PSEN2: variants seen among roughly 807,000 people sequenced by gnomAD.
The protein encoded by PSEN2 is presenilin 2.
PSEN2 carries 32 observed loss-of-function variants against 49.1 expected under a neutral mutation model. The observed-to-expected ratio is 0.65, with a 90% CI of 0.49 to 0.88. The LOEUF (loss-of-function observed/expected upper bound fraction) is 0.88. PSEN2 is among the 40% of genes least tolerant of loss of function. PSEN2 has a pLI of 0.00. For synonymous variants in PSEN2, 255 were observed against 244.0 expected, an observed-to-expected ratio of 1.05 and a Z score of -0.42; for missense variants, 522 against 586.9, an observed-to-expected ratio of 0.89 and a Z score of 1.14.
intron 4 of PSEN2, 38 bp from the exon 5 acceptor site, chr1:226,883,667 G>T: frequency 6.3e-7 from 1 of 1,595,374 alleles, no homozygotes; most frequent in South Asian, 1.1e-5. Flanking sequence ...GCTGCCGTGG[G>T]GGACATTCTG....
At chr1:226,876,042 C>CG (rs1553266819) in intron 3 of PSEN2, among the ~76,000 whole-genome samples, 1 of 152,118 alleles carries the variant, frequency 6.6e-6, no homozygotes, top group Non-Finnish European at 1.5e-5. Context: ...GGGTGGGAGA[C>CG]GGGGAAAGCT....
intron 3 of PSEN2, among the ~76,000 whole-genome samples, chr1:226,875,958 A>G (rs913277383): frequency 6.6e-6 from 1 of 152,184 alleles, no homozygotes; most frequent in Non-Finnish European, 1.5e-5. Flanking sequence ...GCTTTCCAGA[A>G]CGTAGTCTAT....
rs911156942 is a variant in PSEN2 at position 226,888,307 on chromosome 1, G to A, written c.566+149G>A. The A allele has an allele frequency of 3.2e-5, 23 of 726,602 alleles. 1 individual carries two copies. Among genetic ancestry groups the A allele is most frequent in the Admixed American group, 8.0e-5 (4 of 49,938 alleles). 45.0% of individuals were successfully genotyped at this position (726,602 alleles called of 1,614,324 possible). On this transcript the variant is annotated intron_variant, in intron 7 of 12. Transcript: ENST00000366783. ...CGTTTTGGGAACCCAGGCCTCCGTC[G>A]CCCTCTCTCATGGCCTTGACACAGG...
At position 226,895,326 on chromosome 1, in the gene PSEN2, C is replaced by T. The variant is rs189614935; in HGVS notation, c.1192-98C>T. On this transcript the variant is annotated intron_variant, in intron 12 of 12. Coordinates refer to ENST00000366783, the MANE Select transcript of PSEN2 (RefSeq NM_000447.3). ...TGTCTAGCGCCGTTATCCGACTGGT[C>T]CTCGAACAAGCTCCTGTGCCCAGGG... is the stretch of plus-strand genomic sequence containing the variant. 2.1e-4 allele frequency: 301 copies of T among 1,433,962 alleles called. No individual in the cohort carries two copies. In the African/African-American group the frequency reaches 3.5e-3, roughly 17 times the overall value. 88.8% of individuals were successfully genotyped at this position (1,433,962 alleles called of 1,614,324 possible).
chr1:226,883,666 G>A lies in PSEN2; in HGVS notation c.142-39G>A, dbSNP rs764253265. ...TGCATTACATGGATAGGCTGCCGTG[G>A]GGGACATTCTGCGGCCCTCACGATG... is the stretch of plus-strand genomic sequence containing the variant. On this transcript the variant is annotated intron_variant, in intron 4 of 12. Coordinates refer to ENST00000366783, the MANE Select transcript of PSEN2 (RefSeq NM_000447.3). The A allele has an allele frequency of 3.8e-6, 6 of 1,593,358 alleles. No homozygotes were observed. The East Asian group carries it at 1.3e-4, about 36-fold the overall frequency.
At chr1:226,893,252 G>A (rs995220472) in intron 11 of PSEN2, among the ~76,000 whole-genome samples, 3 of 152,178 alleles carry the variant, frequency 2.0e-5, no homozygotes, top group Admixed American at 2.0e-4. Context: ...TATTATAAGA[G>A]ATGCAACTCA....
rs1571966949 is a variant in PSEN2, at chr1:226,891,760, A to G, written c.988A>G (p.Ser330Gly). The G allele has an allele frequency of 6.2e-7, 1 of 1,613,980 alleles. No homozygotes were observed. Among genetic ancestry groups the G allele is most frequent in the South Asian group, 1.1e-5 (1 of 91,070 alleles). ...ACACCCAGAAGAAGACTCCTATGAC[A>G]GTTTTGGGGAGCCTTCATACCCCGA... is the stretch of plus-strand genomic sequence containing the variant. Reference protein sequence around the residue: ...DPEMEEDSYDSFGEPSYPEVF... With the variant: ...DPEMEEDSYDGFGEPSYPEVF... Residue 330 changes from serine (S) to glycine (G), a missense_variant, in exon 11 of 13, where the codon AGT becomes GGT. Coordinates refer to ENST00000366783, the MANE Select transcript of PSEN2 (RefSeq NM_000447.3).
intron 8 of PSEN2, among the ~76,000 whole-genome samples, chr1:226,889,478 T>C (rs987015594): frequency 2.6e-5 from 4 of 152,184 alleles, no homozygotes; most frequent in Non-Finnish European, 5.9e-5. Context: ...GGTTTCACCA[T>C]GTTGGCCAGG....
chr1:226,873,956 G>T (rs967238190), intron 2 of PSEN2, among the ~76,000 whole-genome samples: 2 of 152,002 alleles, frequency 1.3e-5, no homozygotes, highest in African/African-American at 4.8e-5. Flanking sequence ...CCTCCCTTTT[G>T]CCCCAGAGAA....
chr1:226,896,959 T>G (rs2802268), downstream of PSEN2, among the ~76,000 whole-genome samples: 37,456 of 152,094 alleles, frequency 0.25, 4,810 homozygotes, highest in East Asian at 0.4. Flanking sequence ...GAATTGTGTA[T>G]CTTGACATTT....
intron 2 of PSEN2, among the ~76,000 whole-genome samples, chr1:226,872,531 A>G (rs921037342): frequency 1.3e-5 from 2 of 152,122 alleles, no homozygotes; most frequent in Non-Finnish European, 2.9e-5. Context: ...TTCAACTCCT[A>G]CCCGTGTCTC....
chr1:226,879,073 T>C (rs1660812032), intron 3 of PSEN2, among the ~76,000 whole-genome samples: 1 of 152,210 alleles, frequency 6.6e-6, no homozygotes. Flanking sequence ...GGTTTTGCCA[T>C]GTTACCCAGG....
At chr1:226,889,076 G>C in intron 8 of PSEN2, 27 bp downstream of exon 8, 1 of 1,595,538 alleles carries the variant, frequency 6.3e-7, no homozygotes, top group Non-Finnish European at 8.6e-7. Flanking sequence ...GCTGGTGGGG[G>C]CAGTGGGGGC....
chr1:226,883,966 G>GGGGGGGGGC, intron 5 of PSEN2, 47 bp downstream of exon 5: 1 of 330,268 alleles, frequency 3.0e-6, no homozygotes. Flanking sequence ...GGGCTGAGTT[G>GGGGGGGGGC]CCAGGGGGTG....
At position 226,883,778 on chromosome 1, in the gene PSEN2, C is replaced by T. The variant is rs369622085; in HGVS notation, c.215C>T (p.Pro72Leu). ...RYVCSGVPGR[P>L]PGLEEELTLK... ...GTCTGTAGTGGGGTTCCCGGGCGGCCGCCAGGCCTGGAGGAAGAGCTGACC... is the reference window on the plus strand; with the variant it reads ...GTCTGTAGTGGGGTTCCCGGGCGGCTGCCAGGCCTGGAGGAAGAGCTGACC... Residue 72 changes from proline to leucine, a missense_variant, in exon 5 of 13, where the codon CCG becomes CTG. Pro to Leu is a moderately conservative substitution (Grantham distance 98, BLOSUM62 -3). Coordinates refer to ENST00000366783, the MANE Select transcript of PSEN2 (RefSeq NM_000447.3). 10 of 1,614,014 alleles carry T rather than the reference C, an allele frequency of 6.2e-6. No homozygotes were observed. Among genetic ancestry groups the T allele is most frequent in the African/African-American group, 4.0e-5 (3 of 74,894 alleles).
At chr1:226,891,386 C>T in intron 10 of PSEN2, 25 bp downstream of exon 10, 1 of 1,588,160 alleles carries the variant, frequency 6.3e-7, no homozygotes, top group Non-Finnish European at 8.6e-7. Context: ...GAGCTAACAG[C>T]CTCTCATCAC....
At chr1:226,878,064 T>TC (rs1337077487) in intron 3 of PSEN2, among the ~76,000 whole-genome samples, 1 of 152,032 alleles carries the variant, frequency 6.6e-6, no homozygotes, top group East Asian at 1.9e-4. Flanking sequence ...GGGATTGTCT[T>TC]TTTTTTCTTT....
rs1170276653 is a variant in PSEN2 at position 226,871,371 on chromosome 1, CAG to C, written c.-237_-236del. The C allele has an allele frequency of 1.3e-5, 2 of 152,272 alleles. No individual in the cohort carries two copies. The highest frequency in any genetic ancestry group is 4.8e-5 in the African/African-American group (2 of 41,454). 9.4% of individuals were successfully genotyped at this position (152,272 alleles called of 1,614,324 possible). A position where few individuals can be genotyped will look rare whatever the true frequency, so the allele number is the denominator to read the frequency against. The stretch of plus-strand genomic sequence containing the variant: ...TTTACTGATGAAGAAACTGAGGCCA[CAG>C]AGCTAAAGTGACTTTTCCCAAGGTC... On this transcript the variant is annotated 5_prime_UTR_variant, in exon 2 of 13. It removes the in-frame stop codon of an upstream open reading frame in the 5' UTR. Transcript: ENST00000366783.
At chr1:226,902,064 T>C (rs565907985) in intron 12 of PSEN2, among the ~76,000 whole-genome samples, 5 of 152,248 alleles carry the variant, frequency 3.3e-5, no homozygotes, top group Non-Finnish European at 7.4e-5. Context: ...CCCCAATCTT[T>C]AGGGACCAGG....
Sources: gnomAD v4.1 joint callset for allele counts (sites outside exome capture counted in the v4.1 genomes callset) on GRCh38, gnomAD v4.1.1 for gene constraint, MANE v1.5 for transcripts, NCBI Gene and HGNC (gene_info 2026-07-23, HGNC 2026-07-21) for gene names.